The following RBMS3 variants were observed in gnomAD, a reference collection of about 807,000 sequenced individuals.
RBMS3 encodes RNA binding motif single stranded interacting protein 3.
RBMS3 carries 27 observed loss-of-function variants against 66.8 expected under a neutral mutation model. The observed-to-expected ratio is 0.40, with a 90% CI of 0.30 to 0.56. The LOEUF is 0.56. Among genes scored for constraint, RBMS3 ranks in the 20% least tolerant of loss-of-function variants. RBMS3 has a pLI of 0.40. For synonymous variants in RBMS3, 188 were observed against 183.0 expected, an observed-to-expected ratio of 1.03 and a Z score of -0.22; for missense variants, 513 against 549.5, an observed-to-expected ratio of 0.93 and a Z score of 0.66.
At chr3:29,477,558 A>G (rs1030274457) in intron 2 of RBMS3, among the ~76,000 whole-genome samples, 11 of 152,300 alleles carry the variant, frequency 7.2e-5, no homozygotes, top group African/African-American at 2.4e-4. Context: ...AATACAATAC[A>G]GTACTAATAA....
intron 3 of RBMS3, among the ~76,000 whole-genome samples, chr3:29,494,011 A>G (rs1191213833): frequency 6.6e-6 from 1 of 152,202 alleles, no homozygotes; most frequent in Non-Finnish European, 1.5e-5. Flanking sequence ...CAAAGGCTAT[A>G]CAATTAAATC....
intron 6 of RBMS3, among the ~76,000 whole-genome samples, chr3:29,775,637 C>T (rs2056403098): frequency 6.6e-6 from 1 of 152,010 alleles, no homozygotes; most frequent in South Asian, 2.1e-4. Flanking sequence ...TTAGTCGCTG[C>T]TAATTTCAGA....
chr3:29,559,931 G>C (rs1354991303), intron 3 of RBMS3, among the ~76,000 whole-genome samples: 2 of 152,148 alleles, frequency 1.3e-5, no homozygotes, highest in Non-Finnish European at 2.9e-5. Flanking sequence ...CCTGGGTGCA[G>C]GGCATTCTGA....
chr3:29,753,756 T>G (rs1274628915), intron 5 of RBMS3, among the ~76,000 whole-genome samples: 1 of 152,290 alleles, frequency 6.6e-6, no homozygotes, highest in East Asian at 1.9e-4. Context: ...ATTTCCTTTT[T>G]GAATGATAAA....
rs558839351 is a variant in RBMS3, at chr3:29,444,788, C to CTTTTTTTTTTTTTTTTTTTTTTT, written c.248+9875_248+9897dup. Among the ~76,000 whole-genome samples the CTTTTTTTTTTTTTTTTTTTTTTT allele has an allele frequency of 4.5e-3, 225 of 50,488 alleles. 30 individuals carry two copies. The highest frequency in any genetic ancestry group is 0.023 in the Middle Eastern group (1 of 44). The allele number at this position is 50,488 out of a possible 152,430, so 33.1% of individuals were successfully genotyped here. A position where few individuals can be genotyped will look rare whatever the true frequency, so the allele number is the denominator to read the frequency against. ...AATTCTTTCAAGCGGAAATATATGCCTTTTTTTTTTTTTTTTTTTTTTTTG... is the reference window on the plus strand; with the variant it reads ...AATTCTTTCAAGCGGAAATATATGCCTTTTTTTTTTTTTTTTTTTTTTTTTTTTTTTTTTTTTTTTTTTTTTTG... On this transcript the variant is annotated intron_variant, in intron 2 of 14. Transcript: ENST00000383767.
intron 10 of RBMS3, among the ~76,000 whole-genome samples, chr3:29,916,876 T>C (rs1056381497): frequency 2.6e-5 from 4 of 152,056 alleles, no homozygotes; most frequent in Non-Finnish European, 5.9e-5. Flanking sequence ...ATCATGTAAT[T>C]AATTAATTCC....
intron 1 of RBMS3, among the ~76,000 whole-genome samples, chr3:29,354,391 T>C (rs2037094520): frequency 6.6e-6 from 1 of 152,222 alleles, no homozygotes; most frequent in Admixed American, 6.6e-5. Flanking sequence ...AACTGTATTC[T>C]TGCTTCTCAT....
intron 5 of RBMS3, among the ~76,000 whole-genome samples, chr3:29,756,590 G>A (rs886478712): frequency 1.3e-5 from 2 of 151,942 alleles, no homozygotes; most frequent in Admixed American, 1.3e-4. Context: ...CCCATGATTC[G>A]ATTACCTGCC....
At chr3:29,431,242 T>C (rs577610977) in intron 1 of RBMS3, among the ~76,000 whole-genome samples, 3 of 152,078 alleles carry the variant, frequency 2.0e-5, no homozygotes, top group Middle Eastern at 3.4e-3. Flanking sequence ...AAAATGTTGA[T>C]ACTAAAGCAA....
intron 1 of RBMS3, among the ~76,000 whole-genome samples, chr3:29,341,555 G>A (rs1331324593): frequency 6.6e-6 from 1 of 151,940 alleles, no homozygotes; most frequent in East Asian, 1.9e-4. Flanking sequence ...TGACCAGCAA[G>A]GTTATTAAAG....
rs147149061 is a variant in RBMS3 at position 29,755,405 on chromosome 3, T to G, written c.558-7505T>G. 4.2e-3 allele frequency among the ~76,000 whole-genome samples: 642 copies of G among 152,318 alleles called. 16 individuals are homozygous for G. The highest frequency in any genetic ancestry group is 0.035 in the Admixed American group (531 of 15,302). On this transcript the variant is annotated intron_variant, in intron 5 of 14. Transcript: ENST00000383767. ...AATTTTTTTACTCCTCTGCTGTTGA[T>G]AGCTTTATGGTGTAGGCATCAAGAT...
At chr3:29,308,170 C>T (rs2034131595) in intron 1 of RBMS3, among the ~76,000 whole-genome samples, 1 of 151,612 alleles carries the variant, frequency 6.6e-6, no homozygotes, top group Non-Finnish European at 1.5e-5. Flanking sequence ...GGAATGAATA[C>T]TTAGACAAAT....
At chr3:29,533,262 G>T (rs192055763) in intron 3 of RBMS3, among the ~76,000 whole-genome samples, 2 of 152,094 alleles carry the variant, frequency 1.3e-5, no homozygotes, top group Admixed American at 6.5e-5. Flanking sequence ...AGGATCATTT[G>T]TCCCCAGGAG....
At chr3:29,311,745 T>G (rs930341919) in intron 1 of RBMS3, among the ~76,000 whole-genome samples, 3 of 151,800 alleles carry the variant, frequency 2.0e-5, no homozygotes, top group Non-Finnish European at 2.9e-5. Context: ...TAAACTTGAA[T>G]AGCGGAAGAG....
intron 1 of RBMS3, among the ~76,000 whole-genome samples, chr3:29,382,082 T>A (rs1487653005): frequency 6.6e-6 from 1 of 152,316 alleles, no homozygotes; most frequent in East Asian, 1.9e-4. Flanking sequence ...CAGTTTTGAA[T>A]AGAATCATAC....
intron 3 of RBMS3, among the ~76,000 whole-genome samples, chr3:29,577,188 T>G (rs1468296505): frequency 6.6e-6 from 1 of 152,188 alleles, no homozygotes; most frequent in Admixed American, 6.5e-5. Flanking sequence ...AGGGTGTTTC[T>G]ACAAATGTCA....
At chr3:29,600,481 G>GTT (rs2048106799) in intron 4 of RBMS3, among the ~76,000 whole-genome samples, 3 of 151,990 alleles carry the variant, frequency 2.0e-5, no homozygotes, top group Non-Finnish European at 4.4e-5. Context: ...GCAACCTGAG[G>GTT]ATCTCACCAG....
intron 5 of RBMS3, among the ~76,000 whole-genome samples, chr3:29,747,998 C>T (rs1323252601): frequency 6.6e-6 from 1 of 152,070 alleles, no homozygotes; most frequent in African/African-American, 2.4e-5. Flanking sequence ...ATGTAATAAA[C>T]AAATAATCAA....
intron 1 of RBMS3, among the ~76,000 whole-genome samples, chr3:29,400,769 A>T (rs766145491): frequency 2.6e-5 from 4 of 152,150 alleles, no homozygotes; most frequent in Non-Finnish European, 1.5e-5. Flanking sequence ...ATCTTGATAG[A>T]TGTTTTCAAG....
Sources: allele counts gnomAD v4.1 joint callset (sites outside exome capture counted in the v4.1 genomes callset), GRCh38; gene constraint gnomAD v4.1.1; transcripts MANE v1.5; gene names NCBI Gene and HGNC (gene_info 2026-07-23, HGNC 2026-07-21).